The following TANC1 variants were observed in gnomAD, a reference collection of about 807,000 sequenced individuals.
The protein encoded by TANC1 is protein TANC1.
A neutral mutation model predicts 149.7 loss-of-function variants in TANC1; 77 were observed. The observed-to-expected ratio is 0.51, with a 90% CI of 0.43 to 0.62. TANC1 has a LOEUF of 0.62. Among genes scored for constraint, TANC1 ranks in the 20% least tolerant of loss-of-function variants. TANC1 has a pLI of 0.00. For synonymous variants in TANC1, 854 were observed against 925.0 expected, an observed-to-expected ratio of 0.92 and a Z score of 1.39; for missense variants, 1,985 against 2,321.8, an observed-to-expected ratio of 0.85 and a Z score of 2.98.
intron 22 of TANC1, among the ~76,000 whole-genome samples, 190 bp from the exon 23 acceptor site, chr2:159,224,042 C>T (rs997872542): frequency 1.3e-4 from 20 of 152,230 alleles, no homozygotes; most frequent in African/African-American, 4.6e-4. Context: ...ATCTCTTCAG[C>T]AGTGAAGGTT....
intron 16 of TANC1, among the ~76,000 whole-genome samples, chr2:159,192,807 G>A (rs57389852): frequency 2.6e-5 from 4 of 152,132 alleles, no homozygotes; most frequent in South Asian, 4.2e-4. Flanking sequence ...GCGCCACCAC[G>A]CTGGCTAATT....
chr2:159,015,309 C>A (rs2038158763), intron 2 of TANC1, among the ~76,000 whole-genome samples: 1 of 152,188 alleles, frequency 6.6e-6, no homozygotes, highest in Non-Finnish European at 1.5e-5. Context: ...ACGTTGGCCC[C>A]TTTCATTCAT....
chr2:159,097,653 A>G lies in TANC1; in HGVS notation c.78A>G (p.Pro26=). The change falls in exon 4 of 27, where the codon CCA becomes CCG. Residue 26 remains proline, a synonymous_variant. Transcript: ENST00000263635. ...GKKEAGSDFG[P]ETSPVLHLDH... ...CTACTCTAGGAAGTGACTTTGGTCC[A>G]GAGACTTCTCCAGTCCTGCACCTTG... The G allele has an allele frequency of 6.2e-7, 1 of 1,614,040 alleles. No homozygotes were observed. The highest frequency in any genetic ancestry group is 1.3e-5 in the African/African-American group (1 of 75,054).
chr2:159,182,459 T>C (rs1227326116), intron 14 of TANC1, among the ~76,000 whole-genome samples: 1 of 152,240 alleles, frequency 6.6e-6, no homozygotes, highest in Admixed American at 6.5e-5. Context: ...TTCTATTTTT[T>C]AGTATGTTCA....
In TANC1 at chr2:159,172,374, C is replaced by T. The variant is rs1046504365; in HGVS notation, c.1503+102C>T. On this transcript the variant is annotated intron_variant, in intron 11 of 26. Transcript: ENST00000263635. The stretch of plus-strand genomic sequence containing the variant: ...AGGGAGCTTAAAACAGAGACAACTG[C>T]TTAATGATAAAGTATAGCTTTTAAT... The T allele has an allele frequency of 4.8e-6, 5 of 1,041,570 alleles. No homozygotes were observed. The African/African-American group carries it at 8.1e-5, about 17-fold the overall frequency. 64.5% of individuals were successfully genotyped at this position (1,041,570 alleles called of 1,614,324 possible). A position where few individuals can be genotyped will look rare whatever the true frequency, so the allele number is the denominator to read the frequency against.
At chr2:159,204,098 T>C (rs985297547) in intron 19 of TANC1, among the ~76,000 whole-genome samples, 2 of 152,220 alleles carry the variant, frequency 1.3e-5, no homozygotes, top group Non-Finnish European at 1.5e-5. Flanking sequence ...TCTTAATTTA[T>C]CTAAATTACA....
chr2:159,046,583 T>G lies in TANC1; in HGVS notation c.-15-19313T>G, dbSNP rs113660537. 2.1e-3 allele frequency among the ~76,000 whole-genome samples: 307 copies of G among 144,672 alleles called. 3 individuals are homozygous for G. Among genetic ancestry groups the G allele is most frequent in the African/African-American group, 7.0e-3 (282 of 40,038 alleles). The allele number at this position is 144,672 out of a possible 152,430, so 94.9% of individuals were successfully genotyped here. On this transcript the variant is annotated intron_variant, in intron 2 of 26. Transcript: ENST00000263635. ...GTTCCTATGCACCATTCTTTTCTTT[T>G]CTTTACTTTTTTTTTTTTTTTTTTT...
intron 19 of TANC1, among the ~76,000 whole-genome samples, chr2:159,205,055 G>T (rs1045045411): frequency 6.6e-6 from 1 of 152,238 alleles, no homozygotes. Flanking sequence ...GGTGTTTCCA[G>T]GCCCCTCTTG....
chr2:159,098,925 A>G (rs920906433), intron 4 of TANC1, among the ~76,000 whole-genome samples: 3 of 152,104 alleles, frequency 2.0e-5, no homozygotes, highest in Admixed American at 2.0e-4. Flanking sequence ...TCTCAATTAC[A>G]TGTAAACATA....
intron 10 of TANC1, 130 bp downstream of exon 10, chr2:159,170,935 G>A: frequency 2.0e-6 from 2 of 1,004,936 alleles, no homozygotes; most frequent in Non-Finnish European, 2.9e-6. Context: ...TTGCCATCAT[G>A]TGTGAAGTGA....
At chr2:159,009,150 C>A (rs970796107) in intron 2 of TANC1, among the ~76,000 whole-genome samples, 1 of 151,960 alleles carries the variant, frequency 6.6e-6, no homozygotes, top group Non-Finnish European at 1.5e-5. Context: ...AAACTATGTA[C>A]GTTAATTAGA....
At chr2:159,146,225 G>A (rs896281624) in intron 5 of TANC1, among the ~76,000 whole-genome samples, 3 of 152,184 alleles carry the variant, frequency 2.0e-5, no homozygotes, top group African/African-American at 4.8e-5. Flanking sequence ...CAGTGAGAGA[G>A]GGCTCTGTGC....
chr2:159,088,455 A>G (rs755195126), intron 3 of TANC1, among the ~76,000 whole-genome samples: 1 of 152,112 alleles, frequency 6.6e-6, no homozygotes, highest in Non-Finnish European at 1.5e-5. Context: ...TTTCTATAGT[A>G]TCAGTTTTCC....
At chr2:158,972,713 A>G (rs764690606) in intron 1 of TANC1, among the ~76,000 whole-genome samples, 1 of 152,184 alleles carries the variant, frequency 6.6e-6, no homozygotes, top group African/African-American at 2.4e-5. Flanking sequence ...TTAAACCTCA[A>G]TAAGAAGATG....
intron 7 of TANC1, among the ~76,000 whole-genome samples, chr2:159,159,717 T>TGTGTGAGAGA (rs1480521171): frequency 4.3e-5 from 5 of 114,974 alleles, no homozygotes; most frequent in African/African-American, 1.7e-4. Flanking sequence ...TGTGTGTGTG[T>TGTGTGAGAGA]GAGAGAGAGA....
intron 1 of TANC1, among the ~76,000 whole-genome samples, chr2:158,982,843 C>T (rs963457103): frequency 3.3e-5 from 5 of 152,028 alleles, no homozygotes; most frequent in Non-Finnish European, 7.4e-5. Flanking sequence ...AGGCTGGTCT[C>T]GAATGCCTGG....
rs533048820 is a variant in TANC1 at position 158,993,399 on chromosome 2, A to G, written c.-125-7681A>G. Among the ~76,000 whole-genome samples, 3 of 152,244 alleles carry G rather than the reference A, an allele frequency of 2.0e-5. No homozygotes were observed. In the South Asian group the frequency reaches 6.2e-4, roughly 32 times the overall value. On this transcript the variant is annotated intron_variant, in intron 1 of 26. Transcript: ENST00000263635. The stretch of plus-strand genomic sequence containing the variant: ...CCTGAGTTGCTGAGATTATAGATGC[A>G]TGCCAGCACACCTGGCTAATTTTTG...
intron 19 of TANC1, among the ~76,000 whole-genome samples, chr2:159,212,495 A>G (rs1432443796): frequency 1.3e-5 from 2 of 152,202 alleles, no homozygotes; most frequent in African/African-American, 4.8e-5. Flanking sequence ...AGTTCTTGGG[A>G]CAGACTGCAG....
chr2:159,184,765 G>A (rs1390654281), intron 14 of TANC1, among the ~76,000 whole-genome samples: 2 of 152,184 alleles, frequency 1.3e-5, no homozygotes, highest in Admixed American at 6.5e-5. Flanking sequence ...GACAGGGCAT[G>A]TGCTCGTGGG....
Sources: gnomAD v4.1 joint callset for allele counts (sites outside exome capture counted in the v4.1 genomes callset) on GRCh38, gnomAD v4.1.1 for gene constraint, MANE v1.5 for transcripts, NCBI Gene and HGNC (gene_info 2026-07-23, HGNC 2026-07-21) for gene names.